STARD13: variants seen among roughly 807,000 people sequenced by gnomAD.
STARD13 encodes StAR related lipid transfer domain containing 13.
Under a neutral mutation model 106.4 loss-of-function variants are expected in STARD13, and 62 were observed. The observed-to-expected ratio is 0.58, with a 90% CI of 0.48 to 0.72. The LOEUF (loss-of-function observed/expected upper bound fraction) is 0.72. Ranked by LOEUF, STARD13 falls within the 30% of genes least tolerant of loss-of-function variation. STARD13 has a pLI of 0.00. For missense variants in STARD13, 1,387 were observed against 1,424.0 expected (o/e 0.97, Z 0.42); for synonymous variants, 565 against 553.0 (o/e 1.02, Z -0.31).
the STARD13 span, among the ~76,000 whole-genome samples, chr13:33,425,728 C>T: frequency 2.6e-5 from 4 of 152,168 alleles, no homozygotes; most frequent in African/African-American, 9.7e-5. Context: ...GCAGTTTTTA[C>T]ATGGTTTTAA....
At chr13:33,648,286 G>A in the STARD13 span, among the ~76,000 whole-genome samples, 3 of 152,122 alleles carry the variant, frequency 2.0e-5, no homozygotes, top group South Asian at 2.1e-4. Context: ...TTGACTTGCC[G>A]AGGCTCACTA....
intron 1 of STARD13, among the ~76,000 whole-genome samples, chr13:33,325,326 G>A (rs2077761854): frequency 6.6e-6 from 1 of 152,106 alleles, no homozygotes; most frequent in Non-Finnish European, 1.5e-5. Flanking sequence ...CAGGATGAGG[G>A]CCTTTCTCAG....
intron 1 of STARD13, among the ~76,000 whole-genome samples, chr13:33,262,372 G>T (rs559301147): frequency 1.1e-4 from 16 of 152,260 alleles, no homozygotes; most frequent in Admixed American, 7.8e-4. Flanking sequence ...ACCAGCCAGT[G>T]GGGGGACCTC....
At chr13:33,148,789 T>G (rs111239472) in intron 3 of STARD13, among the ~76,000 whole-genome samples, 4 of 152,376 alleles carry the variant, frequency 2.6e-5, no homozygotes, top group African/African-American at 9.6e-5. Flanking sequence ...TAGTAGCTTT[T>G]TCATAATTTT....
chr13:33,261,125 C>G (rs1387686567), intron 1 of STARD13, among the ~76,000 whole-genome samples: 1 of 152,202 alleles, frequency 6.6e-6, no homozygotes, highest in Non-Finnish European at 1.5e-5. Flanking sequence ...TTGTATCTAT[C>G]TAGGGATCCT....
intron 1 of STARD13, among the ~76,000 whole-genome samples, chr13:33,224,754 G>C (rs1888533799): frequency 6.6e-6 from 1 of 152,364 alleles, no homozygotes; most frequent in African/African-American, 2.4e-5. Flanking sequence ...ACTTCAGCCA[G>C]TTTGAATGGG....
At chr13:33,358,008 C>T in the STARD13 span, among the ~76,000 whole-genome samples, 2 of 152,210 alleles carry the variant, frequency 1.3e-5, no homozygotes, top group Non-Finnish European at 2.9e-5. Context: ...ACCGGGGCTG[C>T]GTGCGGCGCT....
intron 4 of STARD13, among the ~76,000 whole-genome samples, chr13:33,134,349 A>C (rs1054042235): frequency 8.5e-5 from 13 of 152,188 alleles, no homozygotes; most frequent in Admixed American, 8.5e-4. Flanking sequence ...GGCACATCCA[A>C]AGCTGTCCTG....
chr13:33,290,613 T>A (rs781031657), upstream of STARD13, among the ~76,000 whole-genome samples: 4 of 152,358 alleles, frequency 2.6e-5, no homozygotes, highest in Non-Finnish European at 2.9e-5. Context: ...CACTTGTAAG[T>A]GGTAATAGAT....
chr13:33,530,409 T>G, the STARD13 span, among the ~76,000 whole-genome samples: 1 of 152,236 alleles, frequency 6.6e-6, no homozygotes, highest in East Asian at 1.9e-4. Context: ...CTGAGATGCA[T>G]CTTTATGTGT....
chr13:33,464,623 G>A, the STARD13 span, among the ~76,000 whole-genome samples: 1 of 152,278 alleles, frequency 6.6e-6, no homozygotes, highest in South Asian at 2.1e-4. Flanking sequence ...GCCGAGGGGG[G>A]CAGATCACTT....
intron 1 of STARD13, among the ~76,000 whole-genome samples, chr13:33,212,837 C>A (rs996499854): frequency 1.3e-5 from 2 of 152,202 alleles, no homozygotes; most frequent in Admixed American, 6.5e-5. Context: ...AATTGCCTTT[C>A]TTTTTCTGAG....
the STARD13 span, among the ~76,000 whole-genome samples, chr13:33,669,736 A>C: frequency 2.6e-5 from 4 of 151,042 alleles, no homozygotes; most frequent in Admixed American, 2.0e-4. Flanking sequence ...GGGTTTCATC[A>C]TTTTGGCTAG....
chr13:33,226,286 A>AT lies in STARD13; in HGVS notation c.170-58665dup, dbSNP rs1376280523. 2.6e-5 allele frequency among the ~76,000 whole-genome samples: 4 copies of AT among 152,174 alleles called. No homozygotes were observed. In the East Asian group the frequency reaches 7.7e-4, roughly 29 times the overall value. ...AGACAAACTTTATTTGTGCTTTTTC[A>AT]TTTTTTTATAAATAAGTTGTTCTTT... On this transcript the variant is annotated intron_variant, in intron 1 of 13. Coordinates refer to ENST00000336934, the MANE Select transcript of STARD13 (RefSeq NM_178006.4).
At chr13:33,270,337 T>G (rs189860921) in intron 1 of STARD13, among the ~76,000 whole-genome samples, 1 of 152,166 alleles carries the variant, frequency 6.6e-6, no homozygotes, top group African/African-American at 2.4e-5. Context: ...GAAGCAAATA[T>G]AGTTATATTT....
intron 3 of STARD13, among the ~76,000 whole-genome samples, chr13:33,149,038 G>A (rs926133551): frequency 6.6e-6 from 1 of 152,166 alleles, no homozygotes; most frequent in African/African-American, 2.4e-5. Flanking sequence ...AAGATCAGTG[G>A]TTGCCAGGGG....
the STARD13 span, among the ~76,000 whole-genome samples, chr13:33,434,278 A>AG: frequency 3.0e-5 from 4 of 135,184 alleles, no homozygotes; most frequent in Non-Finnish European, 6.1e-5. Flanking sequence ...GCTTGAACCC[A>AG]GGGGGTGGAG....
chr13:33,454,297 T>G, the STARD13 span, among the ~76,000 whole-genome samples: 1 of 152,210 alleles, frequency 6.6e-6, no homozygotes, highest in Admixed American at 6.5e-5. Flanking sequence ...TTCTTGGAAC[T>G]GCACTGTGGT....
At chr13:33,543,254 C>T in the STARD13 span, among the ~76,000 whole-genome samples, 7 of 152,042 alleles carry the variant, frequency 4.6e-5, no homozygotes, top group Non-Finnish European at 1.0e-4. Context: ...GCTTTTGTTT[C>T]CTTTGGCCTA....
Sources: allele counts gnomAD v4.1 joint callset (sites outside exome capture counted in the v4.1 genomes callset), GRCh38; gene constraint gnomAD v4.1.1; transcripts MANE v1.5; gene names NCBI Gene and HGNC (gene_info 2026-07-23, HGNC 2026-07-21).